Variants in CAPRIN2 observed in about 807,000 individuals in gnomAD.
The protein encoded by CAPRIN2 is caprin family member 2.
Under a neutral mutation model 130.4 loss-of-function variants are expected in CAPRIN2, and 66 were observed. The observed-to-expected ratio is 0.51, with a 90% CI of 0.42 to 0.62. The LOEUF is 0.62. Ranked by LOEUF, CAPRIN2 falls within the 20% of genes least tolerant of loss-of-function variation. The pLI is 0.00. For missense variants in CAPRIN2, 1,185 were observed against 1,246.6 expected (o/e 0.95, Z 0.74); for synonymous variants, 471 against 444.1 (o/e 1.06, Z -0.76).
upstream of CAPRIN2, chr12:30,754,721 C>G (rs1032212173): frequency 3.2e-5 from 5 of 153,948 alleles, no homozygotes; most frequent in African/African-American, 1.2e-4. Flanking sequence ...CTCCGCCGCG[C>G]CGACCGAGGC....
chr12:30,737,231 T>C (rs541326566), intron 3 of CAPRIN2, among the ~76,000 whole-genome samples: 89 of 152,104 alleles, frequency 5.9e-4, no homozygotes, highest in Non-Finnish European at 7.2e-4. Context: ...CTTGAACTCC[T>C]GAACTCAAGC....
chr12:30,732,643 T>C (rs1183480486), intron 5 of CAPRIN2, among the ~76,000 whole-genome samples: 2 of 152,112 alleles, frequency 1.3e-5, no homozygotes, highest in Non-Finnish European at 1.5e-5. Context: ...TCTTACAATA[T>C]GTACTCATTT....
intron 13 of CAPRIN2, chr12:30,715,611 T>C (rs531768675): frequency 5.7e-6 from 2 of 348,170 alleles, no homozygotes; most frequent in East Asian, 1.6e-4. Flanking sequence ...ACACAACAGT[T>C]TGGTTGTACT....
intron 1 of CAPRIN2, 142 bp downstream of exon 2, chr12:30,753,202 C>T (rs1023830726): frequency 6.1e-6 from 4 of 654,974 alleles, no homozygotes; most frequent in Non-Finnish European, 8.0e-6. Flanking sequence ...ATATTTCCAA[C>T]ACGTAACCTG....
chr12:30,728,024 T>C (rs1269330808), intron 8 of CAPRIN2, among the ~76,000 whole-genome samples: 2 of 152,220 alleles, frequency 1.3e-5, no homozygotes, highest in Non-Finnish European at 2.9e-5. Flanking sequence ...GACAAGCATT[T>C]GCATTACTCA....
intron 11 of CAPRIN2, among the ~76,000 whole-genome samples, chr12:30,721,655 G>T (rs774854572): frequency 1.3e-5 from 2 of 152,210 alleles, no homozygotes; most frequent in Non-Finnish European, 2.9e-5. Context: ...TAAAGTGTCA[G>T]TGAATCCACT....
chr12:30,748,903 T>C (rs1592316047), intron 2 of CAPRIN2, among the ~76,000 whole-genome samples: 3 of 152,192 alleles, frequency 2.0e-5, no homozygotes, highest in Admixed American at 2.0e-4. Flanking sequence ...CTTACTTTCA[T>C]GGAACTTACA....
intron 2 of CAPRIN2, among the ~76,000 whole-genome samples, chr12:30,748,903 T>A (rs1592316047): frequency 6.6e-6 from 1 of 152,310 alleles, no homozygotes; most frequent in African/African-American, 2.4e-5. Flanking sequence ...CTTACTTTCA[T>A]GGAACTTACA....
chr12:30,731,045 T>G (rs895319840), intron 6 of CAPRIN2, among the ~76,000 whole-genome samples: 1 of 152,240 alleles, frequency 6.6e-6, no homozygotes, highest in Non-Finnish European at 1.5e-5. Context: ...TAAACAGAAT[T>G]ATCCTACTAG....
chr12:30,739,821 T>G, intron 3 of CAPRIN2, among the ~76,000 whole-genome samples: 1 of 152,048 alleles, frequency 6.6e-6, no homozygotes, highest in Non-Finnish European at 1.5e-5. Flanking sequence ...AAAAATCAAG[T>G]GGAGCTGCAT....
chr12:30,719,301 G>A (rs1202787820), intron 12 of CAPRIN2, 76 bp from the exon 14 acceptor site: 2 of 1,534,166 alleles, frequency 1.3e-6, no homozygotes, highest in Non-Finnish European at 1.8e-6. Context: ...AACCCAAACT[G>A]GCATAAGTCA....
At chr12:30,716,741 C>T (rs2057708715) in intron 12 of CAPRIN2, 65 bp from the exon 15 acceptor site, 1 of 1,462,752 alleles carries the variant, frequency 6.8e-7, no homozygotes, top group African/African-American at 1.4e-5. Flanking sequence ...AGGGTGGTAT[C>T]CAGCAAAATT....
rs139207709 is a variant in CAPRIN2 at position 30,732,333 on chromosome 12, C to T, written c.893-823G>A. On this transcript the variant is annotated intron_variant, in intron 5 of 16. Coordinates refer to ENST00000298892, the Ensembl canonical transcript of CAPRIN2. ...GTCTATTATTCCTTTCACAGGAGTA[C>T]TATGACATAGATTTTGAGTCTATTA... Among the ~76,000 whole-genome samples the T allele has an allele frequency of 1.8e-3, 277 of 152,034 alleles. 2 individuals carry two copies. The highest frequency in any genetic ancestry group is 6.4e-3 in the African/African-American group (264 of 41,492).
At chr12:30,715,321 T>C in intron 13 of CAPRIN2, 180 bp from the exon 16 acceptor site, 1 of 656,978 alleles carries the variant, frequency 1.5e-6, no homozygotes. Context: ...ATATATATAA[T>C]GGAATATTAT....
chr12:30,736,275 C>A (rs577957978), intron 3 of CAPRIN2, among the ~76,000 whole-genome samples: 1 of 151,972 alleles, frequency 6.6e-6, no homozygotes, highest in East Asian at 1.9e-4. Context: ...AAAGGACTTG[C>A]ATTTAACTAA....
chr12:30,730,557 A>G lies in CAPRIN2; in HGVS notation c.1061-275T>C, dbSNP rs536982807. Among the ~76,000 whole-genome samples, 3 of 152,216 alleles carry G rather than the reference A, an allele frequency of 2.0e-5. 1 individual carries two copies. The highest frequency in any genetic ancestry group is 2.0e-4 in the Admixed American group (3 of 15,286). ...CTGATATCTGATTGAAAATAACACTATTTCTTCTTACCCTAAAACACAGCT... is the reference window on the plus strand; with the variant it reads ...CTGATATCTGATTGAAAATAACACTGTTTCTTCTTACCCTAAAACACAGCT... On this transcript the variant is annotated intron_variant, in intron 6 of 16. Transcript: ENST00000298892.
At position 30,746,912 on chromosome 12, in the gene CAPRIN2, A is replaced by G. The variant is rs372712854; in HGVS notation, c.483+4159T>C. Among the ~76,000 whole-genome samples the G allele has an allele frequency of 2.0e-5, 3 of 152,366 alleles. 1 individual carries two copies. Among genetic ancestry groups the G allele is most frequent in the Admixed American group, 6.5e-5 (1 of 15,310 alleles). The stretch of plus-strand genomic sequence containing the variant: ...GGCTACACTAAACAACAGATTTTCA[A>G]TGTAGATGCAAGAGTCTCCTATTGG... On this transcript the variant is annotated intron_variant, in intron 2 of 16. Transcript: ENST00000298892.
chr12:30,721,674 C>T (rs1202245277), intron 11 of CAPRIN2, among the ~76,000 whole-genome samples: 2 of 152,172 alleles, frequency 1.3e-5, no homozygotes, highest in Non-Finnish European at 2.9e-5. Flanking sequence ...CTCCTTTTAT[C>T]TAAATGCTTC....
intron 3 of CAPRIN2, among the ~76,000 whole-genome samples, chr12:30,736,141 A>C (rs949105030): frequency 2.4e-4 from 31 of 130,694 alleles, no homozygotes; most frequent in East Asian, 1.5e-3. Context: ...ATCCTGTCCC[A>C]AAAAAAAAAA....
Sources: allele counts gnomAD v4.1 joint callset (sites outside exome capture counted in the v4.1 genomes callset), GRCh38; gene constraint gnomAD v4.1.1; transcripts MANE v1.5; gene names NCBI Gene and HGNC (gene_info 2026-07-23, HGNC 2026-07-21).